Variants in GTF2E2 observed in about 807,000 individuals in gnomAD.
GTF2E2 encodes the protein transcription initiation factor IIE subunit beta.
GTF2E2 carries 21 observed loss-of-function variants against 40.5 expected under a neutral mutation model. That is an observed-to-expected ratio of 0.52 (90% CI 0.37 to 0.75). GTF2E2 has a LOEUF of 0.75. Ranked by LOEUF, GTF2E2 falls within the 30% of genes least tolerant of loss-of-function variation. The pLI is 0.00. For synonymous variants in GTF2E2, 117 were observed against 121.6 expected, an observed-to-expected ratio of 0.96 and a Z score of 0.25; for missense variants, 298 against 338.4, an observed-to-expected ratio of 0.88 and a Z score of 0.94.
intron 6 of GTF2E2, among the ~76,000 whole-genome samples, chr8:30,598,587 G>A (rs957067033): frequency 1.3e-5 from 2 of 152,038 alleles, no homozygotes; most frequent in African/African-American, 4.8e-5. Flanking sequence ...GCTCAATGCT[G>A]TTGCAATATT....
intron 2 of GTF2E2, among the ~76,000 whole-genome samples, chr8:30,635,983 C>G (rs1801587414): frequency 2.6e-5 from 4 of 152,218 alleles, no homozygotes. Flanking sequence ...GGCACTGCCA[C>G]TGCATGAACA....
intron 2 of GTF2E2, among the ~76,000 whole-genome samples, chr8:30,642,767 G>T (rs1372253707): frequency 2.0e-5 from 3 of 152,142 alleles, no homozygotes; most frequent in African/African-American, 4.8e-5. Context: ...TGATTCAATT[G>T]TGTGAATAAA....
At position 30,613,228 on chromosome 8, in the gene GTF2E2, C is replaced by T. The variant is rs377547603; in HGVS notation, c.367-747G>A. Among the ~76,000 whole-genome samples, 13 of 152,264 alleles carry T rather than the reference C, an allele frequency of 8.5e-5. No homozygotes were observed. In the East Asian group the frequency reaches 1.5e-3, roughly 18 times the overall value. On this transcript the variant is annotated intron_variant, in intron 4 of 7. Coordinates refer to ENST00000355904, the MANE Select transcript of GTF2E2 (RefSeq NM_002095.6). Reference sequence around the variant, plus strand: ...GGCATTATAAAGTAAGGAACATAACCCTTACTAGTCAATGGTCTTCCCCAT... The same window carrying T: ...GGCATTATAAAGTAAGGAACATAACTCTTACTAGTCAATGGTCTTCCCCAT...
intron 2 of GTF2E2, 132 bp downstream of exon 2, chr8:30,653,301 T>C: frequency 5.9e-6 from 4 of 679,974 alleles, no homozygotes; most frequent in Non-Finnish European, 1.0e-5. Context: ...AATTCTCTTG[T>C]CCCATCCTTT....
chr8:30,637,244 C>T (rs1314237444), intron 2 of GTF2E2: 11 of 455,974 alleles, frequency 2.4e-5, no homozygotes, highest in South Asian at 1.7e-4. Context: ...ATTAAGCTTA[C>T]CCCACGCAAC....
intron 6 of GTF2E2, among the ~76,000 whole-genome samples, chr8:30,603,969 T>C (rs28677009): frequency 6.0e-5 from 9 of 150,376 alleles, no homozygotes; most frequent in Admixed American, 5.3e-4. Context: ...CACAGAATTA[T>C]CAAAATTGAC....
chr8:30,657,211 A>AC (rs989353203), intron 1 of GTF2E2, among the ~76,000 whole-genome samples: 4 of 152,010 alleles, frequency 2.6e-5, no homozygotes, highest in Non-Finnish European at 5.9e-5. Flanking sequence ...AGATCTCTGG[A>AC]CCCCCCTATG....
intron 2 of GTF2E2, among the ~76,000 whole-genome samples, chr8:30,649,811 A>G (rs190345749): frequency 6.6e-6 from 1 of 152,350 alleles, no homozygotes; most frequent in East Asian, 1.9e-4. Context: ...GACTTTATAG[A>G]TATCAAAAGG....
At chr8:30,620,261 C>CACACAA (rs1801054132) in intron 3 of GTF2E2, among the ~76,000 whole-genome samples, 8 of 142,978 alleles carry the variant, frequency 5.6e-5, no homozygotes, top group Non-Finnish European at 1.2e-4. Flanking sequence ...CACACACAAA[C>CACACAA]ACACACACAC....
intron 6 of GTF2E2, among the ~76,000 whole-genome samples, chr8:30,589,782 G>T (rs1828788947): frequency 6.6e-6 from 1 of 150,922 alleles, no homozygotes; most frequent in African/African-American, 2.4e-5. Flanking sequence ...TGCTGTTCTT[G>T]GTGATCCTGC....
intron 1 of GTF2E2, among the ~76,000 whole-genome samples, chr8:30,655,310 T>A (rs1308956218): frequency 6.6e-6 from 1 of 152,136 alleles, no homozygotes; most frequent in Non-Finnish European, 1.5e-5. Flanking sequence ...TCAAAGCAAT[T>A]TCACTACAAC....
intron 6 of GTF2E2, among the ~76,000 whole-genome samples, chr8:30,583,836 C>CG (rs1828590410): frequency 6.6e-6 from 1 of 151,756 alleles, no homozygotes; most frequent in South Asian, 2.1e-4. Flanking sequence ...GATGGAGTCT[C>CG]GCACTGTCAC....
At chr8:30,589,091 A>C (rs1585937094) in intron 6 of GTF2E2, among the ~76,000 whole-genome samples, 1 of 151,936 alleles carries the variant, frequency 6.6e-6, no homozygotes, top group Non-Finnish European at 1.5e-5. Flanking sequence ...ATCTCTACTA[A>C]AAATGCAAAA....
intron 6 of GTF2E2, chr8:30,596,930 T>C (rs1585945965): frequency 6.6e-6 from 1 of 152,372 alleles, no homozygotes; most frequent in African/African-American, 2.4e-5. Context: ...CAGAGGATGT[T>C]TTCCTCAGTG....
chr8:30,625,326 G>GTC (rs1473834757), intron 3 of GTF2E2, among the ~76,000 whole-genome samples: 1 of 151,998 alleles, frequency 6.6e-6, no homozygotes, highest in Non-Finnish European at 1.5e-5. Flanking sequence ...ATTGACTTGC[G>GTC]TATGTTGAAC....
intron 5 of GTF2E2, among the ~76,000 whole-genome samples, chr8:30,609,128 C>A (rs535261691): frequency 2.6e-5 from 4 of 151,732 alleles, no homozygotes; most frequent in African/African-American, 4.8e-5. Flanking sequence ...TAGCTGAACA[C>A]GGTGGCAGGT....
intron 3 of GTF2E2, among the ~76,000 whole-genome samples, chr8:30,630,630 A>G (rs2151144133): frequency 6.6e-6 from 1 of 152,156 alleles, no homozygotes; most frequent in African/African-American, 2.4e-5. Context: ...CGCCATGAAA[A>G]AGTAATCTCA....
chr8:30,647,793 A>G (rs1303542075), intron 2 of GTF2E2, among the ~76,000 whole-genome samples: 2 of 152,256 alleles, frequency 1.3e-5, no homozygotes, highest in African/African-American at 4.8e-5. Context: ...TTGGCAATAG[A>G]TGGTAAGTAT....
At chr8:30,636,562 A>G (rs1019713622) in intron 2 of GTF2E2, among the ~76,000 whole-genome samples, 1 of 152,214 alleles carries the variant, frequency 6.6e-6, no homozygotes, top group African/African-American at 2.4e-5. Context: ...ATCTTAATTA[A>G]TTGGCACACT....
Sources: allele counts gnomAD v4.1 joint callset (sites outside exome capture counted in the v4.1 genomes callset), GRCh38; gene constraint gnomAD v4.1.1; transcripts MANE v1.5; gene names NCBI Gene and HGNC (gene_info 2026-07-23, HGNC 2026-07-21).